ATXN10: variants seen among roughly 807,000 people sequenced by gnomAD.
ATXN10 encodes ataxin-10.
ATXN10 carries 28 observed loss-of-function variants against 52.9 expected under a neutral mutation model. The observed-to-expected ratio is 0.53, with a 90% CI of 0.39 to 0.73. The LOEUF is 0.73. Ranked by LOEUF, ATXN10 falls within the 30% of genes least tolerant of loss-of-function variation. ATXN10 has a pLI of 0.00. For missense variants in ATXN10, 565 were observed against 577.0 expected, an observed-to-expected ratio of 0.98 and a Z score of 0.21; for synonymous variants, 226 against 221.5, an observed-to-expected ratio of 1.02 and a Z score of -0.18.
At chr22:45,836,028 TA>T (rs556961076) in intron 10 of ATXN10, among the ~76,000 whole-genome samples, 1 of 152,180 alleles carries the variant, frequency 6.6e-6, no homozygotes, top group Admixed American at 6.5e-5. Context: ...TATTAAAATA[TA>T]AAAACTCAGA....
chr22:45,719,756 C>T (rs1055880438), intron 6 of ATXN10, among the ~76,000 whole-genome samples: 5 of 152,128 alleles, frequency 3.3e-5, no homozygotes, highest in Non-Finnish European at 7.4e-5. Context: ...ATCCTTACTT[C>T]ATTCAAGGTT....
chr22:45,730,233 A>C (rs1464991724), intron 7 of ATXN10, among the ~76,000 whole-genome samples: 1 of 151,426 alleles, frequency 6.6e-6, no homozygotes, highest in South Asian at 2.1e-4. Context: ...AGACCCAGCT[A>C]CTTGGGAGGC....
intron 5 of ATXN10, 119 bp downstream of exon 5, chr22:45,702,966 C>T: frequency 4.9e-6 from 6 of 1,223,066 alleles, no homozygotes; most frequent in Admixed American, 1.8e-5. Flanking sequence ...TAAAACTTAA[C>T]ATGTGTTGAC....
At chr22:45,722,896 T>A (rs980845410) in intron 6 of ATXN10, among the ~76,000 whole-genome samples, 5 of 152,092 alleles carry the variant, frequency 3.3e-5, no homozygotes, top group Non-Finnish European at 7.4e-5. Flanking sequence ...TCCACATCCC[T>A]ATCTGTGGAT....
rs1184296631 is a variant in ATXN10 at position 45,781,564 on chromosome 22, T to C, written c.1174-25395T>C. On this transcript the variant is annotated intron_variant, in intron 9 of 11. Coordinates refer to ENST00000252934, the MANE Select transcript of ATXN10 (RefSeq NM_013236.4). The surrounding 1 kb of genome is among the most constrained non-coding windows in gnomAD (Gnocchi z 4.2). ...CTACACCCAAATGTTTAGAGTACAA[T>C]TTAAAATCATGGGTTACACTAAGGA... is the stretch of plus-strand genomic sequence containing the variant. Among the ~76,000 whole-genome samples the C allele has an allele frequency of 1.3e-5, 2 of 152,182 alleles. No individual in the cohort carries two copies. Among genetic ancestry groups the C allele is most frequent in the African/African-American group, 4.8e-5 (2 of 41,442 alleles).
rs1929126870 is a variant in ATXN10 at position 45,835,205 on chromosome 22, G to A, written c.1238-7786G>A. ...CAGGTCATCTTCCCATGACTTCACT[G>A]CCAGATGGACGGGCTCATGGGTCCT... On this transcript the variant is annotated intron_variant, in intron 10 of 11. Transcript: ENST00000252934. This position sits in a 1 kb window ranked among gnomAD's most constrained non-coding sequence, Gnocchi z 5.0. Among the ~76,000 whole-genome samples the A allele has an allele frequency of 6.6e-6, 1 of 152,200 alleles. No homozygotes were observed. Among genetic ancestry groups the A allele is most frequent in the Admixed American group, 6.5e-5 (1 of 15,284 alleles).
rs136029 is a variant in ATXN10, at chr22:45,840,545, G to A, written c.1238-2446G>A. 0.45 allele frequency among the ~76,000 whole-genome samples: 68,687 copies of A among 151,994 alleles called. 15,849 individuals carry two copies. Among genetic ancestry groups the A allele is most frequent in the African/African-American group, 0.54 (22,398 of 41,426 alleles). ...GTGCAGAGACAGAGGGGAGGCCAGCGTTGCAACATTGTCAGAGGCTGAGAG... is the reference window on the plus strand; with the variant it reads ...GTGCAGAGACAGAGGGGAGGCCAGCATTGCAACATTGTCAGAGGCTGAGAG... On this transcript the variant is annotated intron_variant, in intron 10 of 11. Transcript: ENST00000252934. The surrounding 1 kb of genome is among the most constrained non-coding windows in gnomAD (Gnocchi z 5.8).
At chr22:45,753,792 T>C (rs558884771) in intron 9 of ATXN10, among the ~76,000 whole-genome samples, 36 of 152,302 alleles carry the variant, frequency 2.4e-4, no homozygotes, top group African/African-American at 8.4e-4. Flanking sequence ...CTGCCTGTGA[T>C]AATGGTCTTC....
At chr22:45,725,602 A>G (rs138402701) in intron 6 of ATXN10, among the ~76,000 whole-genome samples, 4 of 152,262 alleles carry the variant, frequency 2.6e-5, no homozygotes, top group African/African-American at 7.2e-5. Context: ...TGATCGTATC[A>G]TTGGCAAACA....
intron 9 of ATXN10, among the ~76,000 whole-genome samples, chr22:45,768,425 C>T (rs1053855859): frequency 4.6e-5 from 7 of 151,852 alleles, no homozygotes; most frequent in Non-Finnish European, 1.0e-4. Context: ...ATAGAAAACA[C>T]AACTGGTTTG....
intron 6 of ATXN10, among the ~76,000 whole-genome samples, chr22:45,726,890 C>G (rs554598226): frequency 1.3e-5 from 2 of 152,054 alleles, no homozygotes; most frequent in African/African-American, 4.8e-5. Context: ...CCGTGTCGCC[C>G]GGGCTGGTCT....
intron 9 of ATXN10, among the ~76,000 whole-genome samples, chr22:45,749,336 C>T (rs1177826528): frequency 1.3e-5 from 2 of 152,144 alleles, no homozygotes; most frequent in African/African-American, 4.8e-5. Flanking sequence ...AGGCCAAATT[C>T]TGACTCCAGA....
At chr22:45,813,333 GT>G (rs1178229669) in intron 10 of ATXN10, among the ~76,000 whole-genome samples, 84 of 135,574 alleles carry the variant, frequency 6.2e-4, no homozygotes, top group Admixed American at 3.2e-3. Context: ...ATGTGGGTTT[GT>G]TTTTTTTTTT....
chr22:45,837,697 C>T lies in ATXN10; in HGVS notation c.1238-5294C>T, dbSNP rs1171606060. On this transcript the variant is annotated intron_variant, in intron 10 of 11. Transcript: ENST00000252934. The surrounding 1 kb of genome is among the most constrained non-coding windows in gnomAD (Gnocchi z 5.8). ...GCCTTGCTGTCTCTTGGCAGCTCCT[C>T]CACCCTGCCCTTGCAGTGTGACAGC... Among the ~76,000 whole-genome samples, 1 of 152,252 alleles carries T rather than the reference C, an allele frequency of 6.6e-6. No individual in the cohort carries two copies. Among genetic ancestry groups the T allele is most frequent in the Non-Finnish European group, 1.5e-5 (1 of 68,044 alleles).
In ATXN10 at chr22:45,843,034, A is replaced by C. The variant is rs201340527; in HGVS notation, c.1281A>C (p.Glu427Asp). The C allele has an allele frequency of 5.6e-6, 9 of 1,614,234 alleles. No homozygotes were observed. The East Asian group carries it at 2.0e-4, about 36-fold the overall frequency. Residue 427 changes from glutamate (E) to aspartate (D), a missense_variant, in exon 11 of 12, where the codon GAA (glutamate) becomes GAC (aspartate). Transcript: ENST00000252934. This position sits in a 1 kb window ranked among gnomAD's most constrained non-coding sequence, Gnocchi z 4.5. ...TATATGCCATCCGAAACCTTACCGA[A>C]GACAACAGCCAAAACCAAGATTTGA... ...WVIYAIRNLT[E>D]DNSQNQDLIA...
intron 5 of ATXN10, among the ~76,000 whole-genome samples, chr22:45,714,226 T>C (rs1000096475): frequency 1.5e-4 from 23 of 152,162 alleles, no homozygotes; most frequent in Admixed American, 2.6e-4. Context: ...ACCTTTTTTT[T>C]CTTTTATGTG....
chr22:45,797,326 T>C (rs1927777415), intron 9 of ATXN10, among the ~76,000 whole-genome samples: 2 of 152,186 alleles, frequency 1.3e-5, no homozygotes, highest in South Asian at 4.1e-4. Context: ...GCCATAACAG[T>C]GCTCAATAAA....
rs72309705 is a variant in ATXN10, at chr22:45,676,485, GT to G, written c.116+4319del. ...TTGCATTAGCCATATTTTTTAATTT[GT>G]TTTTTTTTTTTTGAGACAGTTTCAC... On this transcript the variant is annotated intron_variant, in intron 1 of 11. Transcript: ENST00000252934. 7.7e-3 allele frequency: 1,088 copies of G among 141,038 alleles called. 13 individuals are homozygous for G. Among genetic ancestry groups the G allele is most frequent in the African/African-American group, 0.025 (971 of 38,552 alleles). The allele number at this position is 141,038 out of a possible 1,614,324, so 8.7% of individuals were successfully genotyped here.
intron 1 of ATXN10, 40 bp downstream of exon 1, chr22:45,672,219 G>C (rs1341758748): frequency 6.8e-7 from 1 of 1,470,240 alleles, no homozygotes; most frequent in Non-Finnish European, 9.0e-7. Flanking sequence ...GGCAGGGGAG[G>C]GCGGCCGGGA....
Sources: gnomAD v4.1 joint callset for allele counts (sites outside exome capture counted in the v4.1 genomes callset) on GRCh38, gnomAD v4.1.1 for gene constraint, Gnocchi (gnomAD v3.1) non-coding constraint, MANE v1.5 for transcripts, NCBI Gene and HGNC (gene_info 2026-07-23, HGNC 2026-07-21) for gene names.